SGCZ: variants seen among roughly 807,000 people sequenced by gnomAD.
The protein encoded by SGCZ is zeta-sarcoglycan.
In SGCZ, 40 loss-of-function variants were observed where a neutral mutation model predicts 41.3. That is an observed-to-expected ratio of 0.97 (90% CI 0.75 to 1.26). SGCZ has a LOEUF of 1.26. Among genes scored for constraint, SGCZ ranks in the 50% most tolerant of loss-of-function variants. The pLI is 0.00. For missense variants in SGCZ, 552 were observed against 369.8 expected (o/e 1.49, Z -4.04); for synonymous variants, 206 against 137.5 (o/e 1.50, Z -3.49).
intron 1 of SGCZ, among the ~76,000 whole-genome samples, chr8:14,681,217 G>T (rs371483867): frequency 6.6e-6 from 1 of 152,128 alleles, no homozygotes; most frequent in African/African-American, 2.4e-5. Flanking sequence ...TATGAGTCTT[G>T]CAATCAGCCT....
chr8:14,819,545 A>T (rs1322272446), intron 1 of SGCZ, among the ~76,000 whole-genome samples: 1 of 151,838 alleles, frequency 6.6e-6, no homozygotes, highest in Non-Finnish European at 1.5e-5. Context: ...AAAGTATGAA[A>T]CTCTCCAACA....
At chr8:14,989,987 G>C (rs1371477727) in intron 1 of SGCZ, among the ~76,000 whole-genome samples, 3 of 152,112 alleles carry the variant, frequency 2.0e-5, no homozygotes, top group East Asian at 1.9e-4. Flanking sequence ...GCATGACTGA[G>C]GCACTATTAA....
At chr8:14,187,343 G>T (rs1358671204) in intron 4 of SGCZ, among the ~76,000 whole-genome samples, 3 of 152,078 alleles carry the variant, frequency 2.0e-5, no homozygotes, top group Admixed American at 2.0e-4. Context: ...CTGAACCATA[G>T]ATGAGGAAAA....
At chr8:15,151,448 C>T (rs1038519591) in intron 1 of SGCZ, among the ~76,000 whole-genome samples, 1 of 152,054 alleles carries the variant, frequency 6.6e-6, no homozygotes, top group Non-Finnish European at 1.5e-5. Context: ...GAGAAATGTT[C>T]AAAAATAATA....
rs78038833 is a variant in SGCZ, at chr8:14,958,779, G to A, written c.39+278806C>T. 2.9e-3 allele frequency among the ~76,000 whole-genome samples: 438 copies of A among 151,762 alleles called. 6 individuals are homozygous for A. In the East Asian group the frequency reaches 0.036, roughly 13 times the overall value. On this transcript the variant is annotated intron_variant, in intron 1 of 7. Transcript: ENST00000382080. ...ATGATGTTGCATGCTTAAATATTTA[G>A]GCGGAAACACACAGATGTCTGCAAC...
At position 14,477,902 on chromosome 8, in the gene SGCZ, T is replaced by G. The variant is rs553885203; in HGVS notation, c.234+76830A>C. On this transcript the variant is annotated intron_variant, in intron 2 of 7. Coordinates refer to ENST00000382080, the MANE Select transcript of SGCZ (RefSeq NM_139167.4). ...GCTCTCAATATACAGTTAACTTTTATCTTCTGGAGATTTTTAGACTTTAAG... is the reference window on the plus strand; with the variant it reads ...GCTCTCAATATACAGTTAACTTTTAGCTTCTGGAGATTTTTAGACTTTAAG... 2.0e-5 allele frequency among the ~76,000 whole-genome samples: 3 copies of G among 151,554 alleles called. No homozygotes were observed. In the South Asian group the frequency reaches 6.2e-4, roughly 31 times the overall value.
intron 3 of SGCZ, among the ~76,000 whole-genome samples, chr8:14,276,103 G>C (rs532836374): frequency 5.3e-5 from 8 of 152,284 alleles, no homozygotes; most frequent in African/African-American, 1.7e-4. Flanking sequence ...GGACACATAT[G>C]TGAAATGATC....
At chr8:14,836,272 C>G (rs1161114410) in intron 1 of SGCZ, among the ~76,000 whole-genome samples, 1 of 152,112 alleles carries the variant, frequency 6.6e-6, no homozygotes, top group Non-Finnish European at 1.5e-5. Flanking sequence ...ATCACTTATG[C>G]TGAATTCTGA....
chr8:14,689,265 A>G (rs2117565033), intron 1 of SGCZ, among the ~76,000 whole-genome samples: 1 of 152,242 alleles, frequency 6.6e-6, no homozygotes, highest in South Asian at 2.1e-4. Flanking sequence ...AAGTTTGAAT[A>G]ACTTAAATAA....
intron 4 of SGCZ, among the ~76,000 whole-genome samples, chr8:14,201,943 A>G (rs1805468342): frequency 6.6e-6 from 1 of 152,202 alleles, no homozygotes; most frequent in Non-Finnish European, 1.5e-5. Context: ...ATATGAAAAT[A>G]TATGTAAGAC....
intron 1 of SGCZ, among the ~76,000 whole-genome samples, chr8:14,660,100 C>G (rs1460619617): frequency 6.6e-6 from 1 of 152,162 alleles, no homozygotes; most frequent in Non-Finnish European, 1.5e-5. Context: ...AATCAGACCT[C>G]TAACCTCCAG....
chr8:14,505,282 T>G (rs1452226844), intron 2 of SGCZ, among the ~76,000 whole-genome samples: 1 of 152,194 alleles, frequency 6.6e-6, no homozygotes, highest in Non-Finnish European at 1.5e-5. Context: ...TTGAATGTGT[T>G]TTTTTAGTGT....
At chr8:14,101,540 G>A (rs985860107) in intron 7 of SGCZ, among the ~76,000 whole-genome samples, 3 of 152,130 alleles carry the variant, frequency 2.0e-5, no homozygotes, top group Admixed American at 6.5e-5. Context: ...CAGACAGCAG[G>A]AGAAAAAATA....
chr8:14,376,901 A>G (rs1804152304), intron 2 of SGCZ, among the ~76,000 whole-genome samples: 1 of 152,220 alleles, frequency 6.6e-6, no homozygotes, highest in African/African-American at 2.4e-5. Context: ...ATAATATACC[A>G]CAGTGTGATA....
At chr8:14,901,613 G>T (rs975513023) in intron 1 of SGCZ, among the ~76,000 whole-genome samples, 3 of 151,884 alleles carry the variant, frequency 2.0e-5, no homozygotes, top group South Asian at 2.1e-4. Flanking sequence ...AAAATTTTCG[G>T]GTGAAAAAAT....
chr8:14,845,577 A>G (rs1033909513), intron 1 of SGCZ, among the ~76,000 whole-genome samples: 5 of 152,190 alleles, frequency 3.3e-5, no homozygotes, highest in Admixed American at 3.3e-4. Context: ...TGTAGACAGA[A>G]ACACGAATAC....
At chr8:14,755,471 G>C (rs189119064) in intron 1 of SGCZ, among the ~76,000 whole-genome samples, 2 of 152,128 alleles carry the variant, frequency 1.3e-5, no homozygotes, top group African/African-American at 4.8e-5. Context: ...GTCTACTCAC[G>C]ATAAGGAAAT....
chr8:15,204,629 A>G (rs528730442), intron 1 of SGCZ, among the ~76,000 whole-genome samples: 1 of 152,262 alleles, frequency 6.6e-6, no homozygotes, highest in South Asian at 2.1e-4. Flanking sequence ...GCACTTCACA[A>G]GAATGAAACA....
chr8:14,839,472 A>C (rs534354867), intron 1 of SGCZ, among the ~76,000 whole-genome samples: 4 of 152,274 alleles, frequency 2.6e-5, no homozygotes, highest in African/African-American at 9.6e-5. Context: ...AGAAAAGTTA[A>C]ATAGAGATTT....
Sources: gnomAD v4.1 joint callset for allele counts (sites outside exome capture counted in the v4.1 genomes callset) on GRCh38, gnomAD v4.1.1 for gene constraint, MANE v1.5 for transcripts, NCBI Gene and HGNC (gene_info 2026-07-23, HGNC 2026-07-21) for gene names.